TFAP2E: variants seen among roughly 807,000 people sequenced by gnomAD.
The protein encoded by TFAP2E is transcription factor AP-2 epsilon.
Under a neutral mutation model 37.9 loss-of-function variants are expected in TFAP2E, and 30 were observed. The ratio of observed to expected loss-of-function variants is 0.79; its 90% CI spans 0.59 to 1.07. The LOEUF is 1.07. Ranked by LOEUF, TFAP2E falls within the 50% of genes least tolerant of loss-of-function variation. The probability of loss-of-function intolerance (pLI) is 0.00; values close to 1 mark genes in which losing one functional copy is unlikely to be tolerated. For synonymous variants in TFAP2E, 318 were observed against 295.8 expected (o/e 1.08, Z -0.77); for missense variants, 567 against 637.9 (o/e 0.89, Z 1.20).
Position 35,594,756 on chromosome 1 carries a change from C to T in TFAP2E, c.*80C>T. The stretch of plus-strand genomic sequence containing the variant: ...GCTCTTGGGGGTGGGCCTGGAAGGA[C>T]TGAAAGGTGGGATTAGAGTCAGGCC... On this transcript the variant is annotated 3_prime_UTR_variant, in exon 7 of 7. Transcript: ENST00000373235. 6.3e-7 allele frequency: 1 copy of T among 1,583,352 alleles called. No homozygotes were observed. The highest frequency in any genetic ancestry group is 8.6e-7 in the Non-Finnish European group (1 of 1,168,510).
chr1:35,580,954 C>A (rs1266274396), intron 3 of TFAP2E, among the ~76,000 whole-genome samples: 1 of 152,142 alleles, frequency 6.6e-6, no homozygotes, highest in Non-Finnish European at 1.5e-5. Flanking sequence ...AGTTGTGTAA[C>A]CATTACCACA....
At chr1:35,585,376 G>A (rs751077089) in intron 3 of TFAP2E, among the ~76,000 whole-genome samples, 2 of 152,296 alleles carry the variant, frequency 1.3e-5, no homozygotes, top group Non-Finnish European at 2.9e-5. Context: ...TTGCTTGGCG[G>A]GACTTTGCAT....
intron 4 of TFAP2E, among the ~76,000 whole-genome samples, chr1:35,589,474 A>G (rs1219548023): frequency 1.6e-5 from 2 of 127,698 alleles, no homozygotes; most frequent in Non-Finnish European, 3.3e-5. Context: ...TATTGGTTCT[A>G]TGTGTCTCTA....
In TFAP2E at chr1:35,573,857, G is replaced by A; in HGVS notation, c.28-70G>A. On this transcript the variant is annotated intron_variant, in intron 1 of 6. Transcript: ENST00000373235. This position sits in a 1 kb window ranked among gnomAD's most constrained non-coding sequence, Gnocchi z 5.9. ...TGCAGCTGAACCCTCCCGAGCTGAG[G>A]AGGATCCTTTCAGGCTGGGGTCCTT... 1 of 1,402,314 alleles carries A rather than the reference G, an allele frequency of 7.1e-7. No individual in the cohort carries two copies. Among genetic ancestry groups the A allele is most frequent in the South Asian group, 1.6e-5 (1 of 62,648 alleles). 86.9% of individuals were successfully genotyped at this position (1,402,314 alleles called of 1,614,324 possible). A position where few individuals can be genotyped will look rare whatever the true frequency, so the allele number is the denominator to read the frequency against.
At chr1:35,585,121 T>C (rs1295960622) in intron 3 of TFAP2E, among the ~76,000 whole-genome samples, 1 of 151,888 alleles carries the variant, frequency 6.6e-6, no homozygotes, top group Admixed American at 6.6e-5. Context: ...CTAAACTCAG[T>C]AGAGTGGAGC....
At position 35,588,459 on chromosome 1, in the gene TFAP2E, C is replaced by T. The variant is rs372005991; in HGVS notation, c.692C>T (p.Thr231Met). Residue 231 changes from threonine to methionine, a missense_variant, in exon 4 of 7, where the codon ACG becomes ATG. Physicochemically the swap from Thr to Met is moderately conservative, Grantham distance 81 (BLOSUM62 -1). Around this residue, in one of 3 missense-constraint regions of TFAP2E, gnomAD observed 252 missense variants for 302.6 expected, o/e 0.83. Transcript: ENST00000373235. The surrounding 1 kb of genome is among the most constrained non-coding windows in gnomAD (Gnocchi z 5.1). ...GGCCGGCTTTCACTGCTCAGCTCAA[C>T]GTCCAAGTACAAGGTGACGGTGGGG... Reference protein sequence around the residue: ...VPGRLSLLSSTSKYKVTVGEV... With the variant: ...VPGRLSLLSSMSKYKVTVGEV... 1.5e-5 allele frequency: 24 copies of T among 1,610,542 alleles called. No individual in the cohort carries two copies. The highest frequency in any genetic ancestry group is 8.0e-5 in the African/African-American group (6 of 74,944).
At chr1:35,579,381 A>G (rs1649280925) in intron 3 of TFAP2E, among the ~76,000 whole-genome samples, 2 of 151,390 alleles carry the variant, frequency 1.3e-5, no homozygotes, top group South Asian at 4.2e-4. Context: ...GGACAACAAC[A>G]GCAAAACTCT....
chr1:35,578,906 A>C (rs547696249), intron 3 of TFAP2E, among the ~76,000 whole-genome samples: 1 of 151,260 alleles, frequency 6.6e-6, no homozygotes, highest in East Asian at 1.9e-4. Flanking sequence ...AAGATGGTGA[A>C]ACCCCATCTC....
rs1649090319 is a variant in TFAP2E, at chr1:35,574,051, AGCCGCCCTACTTCCC to A, written c.163_177del (p.Phe55_Tyr59del). 3 of 1,484,244 alleles carry A rather than the reference AGCCGCCCTACTTCCC, an allele frequency of 2.0e-6. No homozygotes were observed. Among genetic ancestry groups the A allele is most frequent in the East Asian group, 2.9e-5 (1 of 34,648 alleles). The allele number at this position is 1,484,244 out of a possible 1,614,324, so 91.9% of individuals were successfully genotyped here. On this transcript the variant is annotated inframe_deletion, in exon 2 of 7. Coordinates refer to ENST00000373235, the MANE Select transcript of TFAP2E (RefSeq NM_178548.4). ...GCCGCCACAGCTGCCGCCGAATTCCAGCCGCCCTACTTCCCGCCGCCCTACCCGCAGCCACCGCTG... is the reference window on the plus strand; with the variant it reads ...GCCGCCACAGCTGCCGCCGAATTCCAGCCGCCCTACCCGCAGCCACCGCTG...
At position 35,573,746 on chromosome 1, in the gene TFAP2E, G is replaced by C. The variant is rs1245513522; in HGVS notation, c.27+142G>C. 3.6e-6 allele frequency: 5 copies of C among 1,396,490 alleles called. No individual in the cohort carries two copies. The Admixed American group carries it at 1.1e-4, about 31-fold the overall frequency. 86.5% of individuals were successfully genotyped at this position (1,396,490 alleles called of 1,614,324 possible). A position where few individuals can be genotyped will look rare whatever the true frequency, so the allele number is the denominator to read the frequency against. On this transcript the variant is annotated intron_variant, in intron 1 of 6. Transcript: ENST00000373235. This position sits in a 1 kb window ranked among gnomAD's most constrained non-coding sequence, Gnocchi z 5.9. The stretch of plus-strand genomic sequence containing the variant: ...ACTTCGCCAGCTGAGAACGCGATGC[G>C]CAAGTGACCGCTGTCCCCAGCCTGA...
In TFAP2E at chr1:35,577,681, C is replaced by T; in HGVS notation, c.562+2681C>T. On this transcript the variant is annotated intron_variant, in intron 3 of 6. Coordinates refer to ENST00000373235, the MANE Select transcript of TFAP2E (RefSeq NM_178548.4). The surrounding 1 kb of genome is among the most constrained non-coding windows in gnomAD (Gnocchi z 6.3). ...CGCTGCGGTGGGCGTTCTCGGGCTT[C>T]GACTTCGCCAGCGCCGCGGGGCAGA... 1 of 309,216 alleles carries T rather than the reference C, an allele frequency of 3.2e-6. No individual in the cohort carries two copies. The highest frequency in any genetic ancestry group is 9.0e-5 in the East Asian group (1 of 11,106). 19.2% of individuals were successfully genotyped at this position (309,216 alleles called of 1,614,324 possible). A position where few individuals can be genotyped will look rare whatever the true frequency, so the allele number is the denominator to read the frequency against.
intron 4 of TFAP2E, 44 bp from the exon 5 acceptor site, chr1:35,589,886 T>TTGTCTTCATAGTTGTA (rs780911989): frequency 1.2e-6 from 2 of 1,604,204 alleles, no homozygotes; most frequent in South Asian, 2.2e-5. Context: ...TGCGTTTCTC[T>TTGTCTTCATAGTTGTA]TGTCTTCATA....
intron 6 of TFAP2E, among the ~76,000 whole-genome samples, chr1:35,594,142 G>C (rs1413110829): frequency 6.6e-6 from 1 of 152,132 alleles, no homozygotes; most frequent in Non-Finnish European, 1.5e-5. Flanking sequence ...ATATGGGCCA[G>C]ACATCCAAAA....
At chr1:35,591,041 G>A (rs973321139) in intron 6 of TFAP2E, among the ~76,000 whole-genome samples, 1 of 152,118 alleles carries the variant, frequency 6.6e-6, no homozygotes, top group Non-Finnish European at 1.5e-5. Context: ...CACGAGCAGT[G>A]AGCACACACA....
chr1:35,588,162 C>T lies in TFAP2E; in HGVS notation c.563-168C>T, dbSNP rs1188273105. Among the ~76,000 whole-genome samples, 1 of 152,206 alleles carries T rather than the reference C, an allele frequency of 6.6e-6. No homozygotes were observed. Among genetic ancestry groups the T allele is most frequent in the Non-Finnish European group, 1.5e-5 (1 of 68,036 alleles). Reference sequence around the variant, plus strand: ...ACACAGATTCAAGAGCCAGACAACTCGGAGTTCAGTCTCTGAGTTCACATC... The same window carrying T: ...ACACAGATTCAAGAGCCAGACAACTTGGAGTTCAGTCTCTGAGTTCACATC... On this transcript the variant is annotated intron_variant, in intron 3 of 6. Transcript: ENST00000373235. The surrounding 1 kb of genome is among the most constrained non-coding windows in gnomAD (Gnocchi z 5.1).
chr1:35,579,216 T>C (rs1649274698), intron 3 of TFAP2E, among the ~76,000 whole-genome samples: 2 of 148,982 alleles, frequency 1.3e-5, no homozygotes, highest in Non-Finnish European at 3.0e-5. Context: ...GCCAATATGG[T>C]GAAACCCCGT....
At chr1:35,581,983 C>A (rs1649364324) in intron 3 of TFAP2E, among the ~76,000 whole-genome samples, 1 of 152,124 alleles carries the variant, frequency 6.6e-6, no homozygotes. Flanking sequence ...TCAAGCAATT[C>A]TCCTGCCTCA....
chr1:35,590,151 G>C lies in TFAP2E; in HGVS notation c.904+103G>C. On this transcript the variant is annotated intron_variant, in intron 5 of 6. Transcript: ENST00000373235. The surrounding 1 kb of genome is among the most constrained non-coding windows in gnomAD (Gnocchi z 6.2). ...GGAGGGTGTGTTTAGTGGTGTGTGT[G>C]TATCCGTGTAAGTGTTGCAGTATCT... The C allele has an allele frequency of 1.9e-6, 2 of 1,060,424 alleles. No individual in the cohort carries two copies. The highest frequency in any genetic ancestry group is 2.9e-6 in the Non-Finnish European group (2 of 691,258). The allele number at this position is 1,060,424 out of a possible 1,614,324, so 65.7% of individuals were successfully genotyped here.
chr1:35,588,924 C>T lies in TFAP2E; in HGVS notation c.785+372C>T, dbSNP rs2148552639. Among the ~76,000 whole-genome samples the T allele has an allele frequency of 6.6e-6, 1 of 152,208 alleles. No homozygotes were observed. Among genetic ancestry groups the T allele is most frequent in the Admixed American group, 6.5e-5 (1 of 15,284 alleles). ...GCCCATTCTGCGCGGCAGCATAGGC[C>T]CTGTGTGTTTTGGGGTGTGGAGCAT... On this transcript the variant is annotated intron_variant, in intron 4 of 6. Coordinates refer to ENST00000373235, the MANE Select transcript of TFAP2E (RefSeq NM_178548.4). This position sits in a 1 kb window ranked among gnomAD's most constrained non-coding sequence, Gnocchi z 5.1.
Sources: allele counts gnomAD v4.1 joint callset (sites outside exome capture counted in the v4.1 genomes callset), GRCh38; gene constraint gnomAD v4.1.1; regional missense constraint gnomAD v4.1.1; non-coding constraint Gnocchi (gnomAD v3.1); transcripts MANE v1.5; gene names NCBI Gene and HGNC (gene_info 2026-07-23, HGNC 2026-07-21).